Variants in ARL17B observed in about 807,000 individuals in gnomAD.
ARL17B encodes ADP-ribosylation factor-like protein 17.
chr17:46,334,603 G>A (rs1426768719), downstream of ARL17B: 1 of 44,274 alleles, frequency 2.3e-5, no homozygotes, highest in Non-Finnish European at 4.0e-5. Flanking sequence ...AAATGTGTTC[G>A]TAGAGACAAG....
At chr17:46,350,839 C>A (rs2144267187) in intron 3 of ARL17B, among the ~76,000 whole-genome samples, 1 of 46,092 alleles carries the variant, frequency 2.2e-5, no homozygotes, top group African/African-American at 7.1e-5. Context: ...CTGCACGAGA[C>A]CCTGTCTCCA....
chr17:46,280,165 A>G (rs1158281142), intron 4 of ARL17B, among the ~76,000 whole-genome samples: 2 of 151,912 alleles, frequency 1.3e-5, no homozygotes, highest in African/African-American at 4.8e-5. Flanking sequence ...TTGCCTTGAG[A>G]CCAGCTTGGC....
downstream of ARL17B, among the ~76,000 whole-genome samples, chr17:46,332,894 T>A (rs1337555020): frequency 5.3e-5 from 8 of 151,494 alleles, no homozygotes; most frequent in Middle Eastern, 3.4e-3. Context: ...CCCACTAGAC[T>A]ATTTTAAGAA....
intron 4 of ARL17B, among the ~76,000 whole-genome samples, chr17:46,276,105 G>T (rs1478655655): frequency 1.3e-5 from 2 of 152,220 alleles, no homozygotes; most frequent in African/African-American, 2.4e-5. Flanking sequence ...TGGCCAGGCT[G>T]GTCGCAAACT....
intron 4 of ARL17B, among the ~76,000 whole-genome samples, chr17:46,279,996 A>G (rs1300972144): frequency 6.6e-6 from 1 of 152,190 alleles, no homozygotes; most frequent in Non-Finnish European, 1.5e-5. Flanking sequence ...TGCTTACCGC[A>G]CAGCCTGCTG....
At chr17:46,300,087 A>C (rs1261222877) in intron 3 of ARL17B, among the ~76,000 whole-genome samples, 1 of 64,424 alleles carries the variant, frequency 1.6e-5, no homozygotes, top group African/African-American at 3.8e-5. Flanking sequence ...TACAAATAGT[A>C]CATGGTTATA....
chr17:46,284,738 A>T (rs542063371), intron 4 of ARL17B, among the ~76,000 whole-genome samples: 7 of 152,374 alleles, frequency 4.6e-5, no homozygotes, highest in African/African-American at 1.7e-4. Context: ...ATTAATGATG[A>T]GGTGGCAGAG....
At position 46,307,921 on chromosome 17, in the gene ARL17B, A is replaced by T. The variant is rs1402383002; in HGVS notation, c.260-8256T>A. ...TAGGTACTCAGGAGGCTGAGGCAGG[A>T]GAATCACTTGAAACCAGGAGGCGGA... On this transcript the variant is annotated intron_variant, in intron 3 of 4. Transcript: ENST00000434041. Among the ~76,000 whole-genome samples, 4 of 76,340 alleles carry T rather than the reference A, an allele frequency of 5.2e-5. 2 individuals are homozygous for T. Among genetic ancestry groups the T allele is most frequent in the Non-Finnish European group, 1.6e-4 (4 of 25,570 alleles). 50.1% of individuals were successfully genotyped at this position (76,340 alleles called of 152,430 possible).
chr17:46,280,544 T>G (rs1387318492), intron 4 of ARL17B, among the ~76,000 whole-genome samples: 3 of 151,600 alleles, frequency 2.0e-5, no homozygotes. Flanking sequence ...AGAAAAAAAT[T>G]TGTTTCCTTA....
intron 3 of ARL17B, among the ~76,000 whole-genome samples, chr17:46,351,871 C>T (rs1439451169): frequency 3.9e-5 from 6 of 152,248 alleles, no homozygotes; most frequent in East Asian, 1.9e-4. Flanking sequence ...ACATGAAAAT[C>T]GGGGTGTAAA....
intron 3 of ARL17B, among the ~76,000 whole-genome samples, chr17:46,340,602 G>A (rs1389993804): frequency 1.4e-5 from 1 of 70,136 alleles, no homozygotes; most frequent in Non-Finnish European, 3.6e-5. Context: ...GAGTGCAGCA[G>A]CGTGATCTCG....
chr17:46,279,312 T>C (rs1169580192), intron 4 of ARL17B, among the ~76,000 whole-genome samples: 1 of 151,554 alleles, frequency 6.6e-6, no homozygotes, highest in African/African-American at 2.4e-5. Context: ...GCCTCCCAAG[T>C]AGCGAGGATT....
At chr17:46,274,455 C>T (rs1293686115), downstream of ARL17B, among the ~76,000 whole-genome samples, 2 of 152,210 alleles carry the variant, frequency 1.3e-5, no homozygotes, top group Non-Finnish European at 2.9e-5. Context: ...ATTGTTGATT[C>T]GCAGTTGTGT....
intron 4 of ARL17B, among the ~76,000 whole-genome samples, chr17:46,289,891 C>T (rs1191087200): frequency 2.6e-5 from 4 of 152,274 alleles, no homozygotes; most frequent in Admixed American, 6.5e-5. Context: ...AGGCCGAGGG[C>T]GGAAGATCAC....
intron 4 of ARL17B, among the ~76,000 whole-genome samples, chr17:46,282,117 T>G (rs1440856759): frequency 6.6e-6 from 1 of 152,024 alleles, no homozygotes; most frequent in Non-Finnish European, 1.5e-5. Flanking sequence ...TTTTGTTTTT[T>G]TTTGAGACGG....
chr17:46,291,497 G>A lies in ARL17B; in HGVS notation c.*21+8029C>T, dbSNP rs141553258. 2.7e-3 allele frequency among the ~76,000 whole-genome samples: 381 copies of A among 143,352 alleles called. 5 individuals carry two copies. The highest frequency in any genetic ancestry group is 0.011 in the African/African-American group (353 of 33,220). 94.0% of individuals were successfully genotyped at this position (143,352 alleles called of 152,430 possible). On this transcript the variant is annotated intron_variant, in intron 4 of 4. Coordinates refer to the ARL17B transcript ENST00000570618. ...ACATGCTGTGTGTGAGGCAGTGATA[G>A]GCTCCCTGCTGGAAGTTAAGGGTTG...
intron 4 of ARL17B, among the ~76,000 whole-genome samples, chr17:46,291,989 C>G (rs1251242692): frequency 1.8e-5 from 1 of 55,544 alleles, no homozygotes; most frequent in Non-Finnish European, 5.0e-5. Flanking sequence ...AAAAAAAAAG[C>G]CAATAAAATC....
chr17:46,326,995 C>T (rs1194081716), intron 3 of ARL17B, among the ~76,000 whole-genome samples: 1 of 80,496 alleles, frequency 1.2e-5, no homozygotes. Flanking sequence ...GTACAGAATC[C>T]AATCAAAGAT....
At chr17:46,280,293 A>G (rs1351004637) in intron 4 of ARL17B, among the ~76,000 whole-genome samples, 1 of 152,162 alleles carries the variant, frequency 6.6e-6, no homozygotes, top group African/African-American at 2.4e-5. Context: ...GAACGCGGGA[A>G]GCGGAGGTTG....
Sources: gnomAD v4.1 joint callset for allele counts (sites outside exome capture counted in the v4.1 genomes callset) on GRCh38, gnomAD v4.1.1 for gene constraint, MANE v1.5 for transcripts, NCBI Gene and HGNC (gene_info 2026-07-23, HGNC 2026-07-21) for gene names.